The following PTPN14 variants were observed in gnomAD, a reference collection of about 807,000 sequenced individuals.
PTPN14 encodes the protein protein tyrosine phosphatase non-receptor type 14.
PTPN14 carries 53 observed loss-of-function variants against 126.8 expected under a neutral mutation model. The observed-to-expected ratio is 0.42, with a 90% CI of 0.34 to 0.53. The LOEUF (loss-of-function observed/expected upper bound fraction) is 0.53. Among genes scored for constraint, PTPN14 ranks in the 20% least tolerant of loss-of-function variants. The probability of loss-of-function intolerance (pLI) is 0.08; values close to 1 mark genes in which losing one functional copy is unlikely to be tolerated. For missense variants in PTPN14, 1,257 were observed against 1,552.9 expected, an observed-to-expected ratio of 0.81 and a Z score of 3.20; for synonymous variants, 630 against 599.3, an observed-to-expected ratio of 1.05 and a Z score of -0.75.
intron 3 of PTPN14, among the ~76,000 whole-genome samples, chr1:214,432,024 GT>G (rs1356711076): frequency 2.6e-5 from 4 of 152,048 alleles, no homozygotes; most frequent in Non-Finnish European, 4.4e-5. Context: ...CTACAAAAAA[GT>G]TTTTAAAAAA....
rs1014000234 is a variant in PTPN14 at position 214,368,531 on chromosome 1, A to T, written c.3271+926T>A. ...TTAAGTTTTATTTCTCCTTTTTTTTAAAATGTGCTAAAGTGGACACAACAT... is the reference window on the plus strand; with the variant it reads ...TTAAGTTTTATTTCTCCTTTTTTTTTAAATGTGCTAAAGTGGACACAACAT... On this transcript the variant is annotated intron_variant, in intron 17 of 18. Coordinates refer to ENST00000366956, the MANE Select transcript of PTPN14 (RefSeq NM_005401.5). Among the ~76,000 whole-genome samples, 5 of 151,928 alleles carry T rather than the reference A, an allele frequency of 3.3e-5. No individual in the cohort carries two copies. The East Asian group carries it at 7.7e-4, about 23-fold the overall frequency.
intron 1 of PTPN14, among the ~76,000 whole-genome samples, chr1:214,490,891 AGGGG>A (rs1167983897): frequency 0.079 from 780 of 9,918 alleles, 83 homozygotes; most frequent in African/African-American, 0.27. Context: ...AGGGAAGGGG[AGGGG>A]AGGGAAGGGG....
intron 3 of PTPN14, among the ~76,000 whole-genome samples, chr1:214,418,496 T>A (rs538137287): frequency 4.6e-5 from 7 of 152,230 alleles, no homozygotes; most frequent in Non-Finnish European, 2.9e-5. Flanking sequence ...CAACCAGATC[T>A]GGGCATGAAC....
At chr1:214,439,656 T>A (rs1659995387) in intron 3 of PTPN14, among the ~76,000 whole-genome samples, 1 of 152,190 alleles carries the variant, frequency 6.6e-6, no homozygotes, top group Non-Finnish European at 1.5e-5. Flanking sequence ...CCGCTATGAT[T>A]ACGCCTCCTC....
chr1:214,423,952 G>C (rs1390478971), intron 3 of PTPN14, among the ~76,000 whole-genome samples: 1 of 151,736 alleles, frequency 6.6e-6, no homozygotes, highest in Admixed American at 6.6e-5. Context: ...CTGCACTCCA[G>C]CCTGGGTGAC....
chr1:214,456,253 T>C (rs891386339), intron 2 of PTPN14, among the ~76,000 whole-genome samples: 2 of 152,222 alleles, frequency 1.3e-5, no homozygotes, highest in Non-Finnish European at 2.9e-5. Context: ...TAAGTTGTAA[T>C]AGGTTGCCTA....
chr1:214,383,971 G>C lies in PTPN14; in HGVS notation c.1884C>G (p.Leu628=). 6.2e-7 allele frequency: 1 copy of C among 1,611,780 alleles called. No individual in the cohort carries two copies. The highest frequency in any genetic ancestry group is 8.5e-7 in the Non-Finnish European group (1 of 1,180,010). ...HQSLQEVSEP[L]TATKHHGTVN... ...CAGTGCCGTGGTGCTTGGTGGCCGT[G>C]AGGGGCTCGCTCACCTCCTGGAGAG... is the stretch of plus-strand genomic sequence containing the variant. Residue 628 remains leucine (L), a synonymous_variant, in exon 13 of 19, where the codon CTC becomes CTG. Coordinates refer to ENST00000366956, the MANE Select transcript of PTPN14 (RefSeq NM_005401.5). The surrounding 1 kb of genome is among the most constrained non-coding windows in gnomAD (Gnocchi z 4.4).
At chr1:214,520,065 A>AAAAAAAAT in intron 1 of PTPN14, among the ~76,000 whole-genome samples, 2 of 71,112 alleles carry the variant, frequency 2.8e-5, no homozygotes, top group African/African-American at 7.3e-5. Flanking sequence ...AAAAAAAAAA[A>AAAAAAAAT]ATATATATAT....
chr1:214,363,888 G>A (rs903766954), intron 18 of PTPN14, among the ~76,000 whole-genome samples: 3 of 152,190 alleles, frequency 2.0e-5, no homozygotes, highest in Non-Finnish European at 2.9e-5. Context: ...AGCAGCAAAG[G>A]AATGCCACGC....
In PTPN14 at chr1:214,363,267, G is replaced by A. The variant is rs182594361; in HGVS notation, c.3435+1245C>T. On this transcript the variant is annotated intron_variant, in intron 18 of 18. Coordinates refer to ENST00000366956, the MANE Select transcript of PTPN14 (RefSeq NM_005401.5). Reference sequence around the variant, plus strand: ...AGCAGCACAAACATTCATTCCCATGGACAGACTGGAAGATTCTCAAAATTA... The same window carrying A: ...AGCAGCACAAACATTCATTCCCATGAACAGACTGGAAGATTCTCAAAATTA... Among the ~76,000 whole-genome samples, 163 of 152,300 alleles carry A rather than the reference G, an allele frequency of 1.1e-3. 1 individual carries two copies. The highest frequency in any genetic ancestry group is 6.8e-3 in the Middle Eastern group (2 of 294).
intron 3 of PTPN14, among the ~76,000 whole-genome samples, chr1:214,446,497 A>G (rs1660145029): frequency 6.6e-6 from 1 of 152,150 alleles, no homozygotes; most frequent in Non-Finnish European, 1.5e-5. Flanking sequence ...AGTGCCTCCT[A>G]ATTTTCTAAT....
intron 13 of PTPN14, among the ~76,000 whole-genome samples, chr1:214,380,826 C>T (rs1354544168): frequency 1.3e-5 from 2 of 152,110 alleles, no homozygotes; most frequent in African/African-American, 4.8e-5. Context: ...GCATTAAAAA[C>T]AAAACAGATG....
chr1:214,357,589 G>C lies in PTPN14; in HGVS notation c.*333C>G, dbSNP rs759853546. The stretch of plus-strand genomic sequence containing the variant: ...CTTCACAAGAGATGTGCTCCCTCAT[G>C]CCTCTGTCCTCAAAATGATCCAGCA... On this transcript the variant is annotated 3_prime_UTR_variant, in exon 19 of 19. Coordinates refer to ENST00000366956, the MANE Select transcript of PTPN14 (RefSeq NM_005401.5). 2 of 164,370 alleles carry C rather than the reference G, an allele frequency of 1.2e-5. No homozygotes were observed. The highest frequency in any genetic ancestry group is 2.6e-5 in the Non-Finnish European group (2 of 76,320). The allele number at this position is 164,370 out of a possible 1,614,324, so 10.2% of individuals were successfully genotyped here.
chr1:214,424,536 T>C (rs1020290753), intron 3 of PTPN14, among the ~76,000 whole-genome samples: 11 of 151,208 alleles, frequency 7.3e-5, no homozygotes, highest in African/African-American at 2.7e-4. Flanking sequence ...TTCTTTCTTT[T>C]TTTTTTTTTT....
At chr1:214,435,333 ATTC>A (rs1659888017) in intron 3 of PTPN14, among the ~76,000 whole-genome samples, 1 of 152,102 alleles carries the variant, frequency 6.6e-6, no homozygotes, top group Non-Finnish European at 1.5e-5. Flanking sequence ...TCAACCCACC[ATTC>A]TTCTTTAGAT....
At chr1:214,450,211 CCT>C (rs1016399726) in intron 3 of PTPN14, among the ~76,000 whole-genome samples, 2 of 151,242 alleles carry the variant, frequency 1.3e-5, no homozygotes, top group East Asian at 2.0e-4. Flanking sequence ...GTGGCTCACC[CCT>C]GTCATCCTAG....
At chr1:214,424,958 C>T (rs1659628299) in intron 3 of PTPN14, among the ~76,000 whole-genome samples, 1 of 151,568 alleles carries the variant, frequency 6.6e-6, no homozygotes, top group Admixed American at 6.6e-5. Flanking sequence ...CATGCCTATC[C>T]ATCTCTGTTT....
intron 5 of PTPN14, among the ~76,000 whole-genome samples, chr1:214,409,331 T>G (rs2102577028): frequency 6.6e-6 from 1 of 152,336 alleles, no homozygotes; most frequent in East Asian, 1.9e-4. Flanking sequence ...GGGCAGTATT[T>G]GTCTTTCTGT....
At chr1:214,508,788 G>A (rs1256112830) in intron 1 of PTPN14, among the ~76,000 whole-genome samples, 1 of 152,194 alleles carries the variant, frequency 6.6e-6, no homozygotes, top group African/African-American at 2.4e-5. Flanking sequence ...ATTACTCCTT[G>A]ATCCATGGGT....
Sources: allele counts gnomAD v4.1 joint callset (sites outside exome capture counted in the v4.1 genomes callset), GRCh38; gene constraint gnomAD v4.1.1; non-coding constraint Gnocchi (gnomAD v3.1); transcripts MANE v1.5; gene names NCBI Gene and HGNC (gene_info 2026-07-23, HGNC 2026-07-21).